CAPN14: variants seen among roughly 807,000 people sequenced by gnomAD.
CAPN14 encodes calpain 14, also known as calpain-14.
A neutral mutation model predicts 101.3 loss-of-function variants in CAPN14; 94 were observed. That is an observed-to-expected ratio of 0.93 (90% CI 0.79 to 1.10). CAPN14 has a LOEUF of 1.10. CAPN14 is among the 50% of genes least tolerant of loss of function. The pLI is 0.00. For missense variants in CAPN14, 837 were observed against 828.4 expected (o/e 1.01, Z -0.13); for synonymous variants, 338 against 317.9 (o/e 1.06, Z -0.67).
chr2:31,191,941 C>A lies in CAPN14; in HGVS notation c.1272G>T (p.Leu424=). 1 of 1,549,818 alleles carries A rather than the reference C, an allele frequency of 6.5e-7. No individual in the cohort carries two copies. Among genetic ancestry groups the A allele is most frequent in the Non-Finnish European group, 8.7e-7 (1 of 1,146,048 alleles). The change falls in exon 11 of 22, where the codon CTG becomes CTT. Residue 424 remains leucine, a synonymous_variant. Transcript: ENST00000403897. ...GGTTCAGAGGTCCACCTACCCTATACAGGTAGAAGCCAATGGCGAGGAGAG... is the reference window on the plus strand; with the variant it reads ...GGTTCAGAGGTCCACCTACCCTATAAAGGTAGAAGCCAATGGCGAGGAGAG... ...RKPLLAIGFY[L]YRMNKYHDDQ... is the part of the protein sequence containing the mutation.
At chr2:31,207,216 C>T in intron 1 of CAPN14, among the ~76,000 whole-genome samples, 1 of 152,158 alleles carries the variant, frequency 6.6e-6, no homozygotes, top group Non-Finnish European at 1.5e-5. Context: ...TGTCAAGGTC[C>T]TGCCCATCCC....
At chr2:31,176,717 T>C in intron 20 of CAPN14, 75 bp from the exon 21 acceptor site, 1 of 1,329,836 alleles carries the variant, frequency 7.5e-7, no homozygotes, top group South Asian at 1.3e-5. Flanking sequence ...CTCCCATATG[T>C]CTCACCTTAA....
Position 31,199,466 on chromosome 2 carries a change from C to T in CAPN14, c.789+4G>A. ...GGGAAACCGAAGGGCCAACCTCAAC[C>T]CACCTTCCTGATTCCTGTGAGAGTA... On this transcript the variant is annotated splice_donor_region_variant and intron_variant, in intron 7 of 21. Coordinates refer to ENST00000403897, the MANE Select transcript of CAPN14 (RefSeq NM_001145122.2). The T allele has an allele frequency of 2.6e-6, 4 of 1,551,358 alleles. No individual in the cohort carries two copies. The highest frequency in any genetic ancestry group is 1.4e-5 in the African/African-American group (1 of 73,148).
At chr2:31,178,698 C>T in intron 17 of CAPN14, 119 bp from the exon 18 acceptor site, 2 of 646,180 alleles carry the variant, frequency 3.1e-6, no homozygotes, top group Non-Finnish European at 5.2e-6. Flanking sequence ...AATGTCTGAT[C>T]ATGTCTGATT....
At chr2:31,227,719 T>C (rs1025131289) in intron 1 of CAPN14, among the ~76,000 whole-genome samples, 9 of 152,188 alleles carry the variant, frequency 5.9e-5, no homozygotes, top group Non-Finnish European at 1.3e-4. Context: ...ATCTCATCAG[T>C]AGGAATTGGC....
intron 7 of CAPN14, 62 bp from the exon 8 acceptor site, chr2:31,197,396 GTGAGACTCGGGCC>G: frequency 1.7e-6 from 2 of 1,155,000 alleles, no homozygotes; most frequent in Non-Finnish European, 2.5e-6. Context: ...AGAGATCTGA[GTGAGACTCGGGCC>G]TGGAGCTGAG....
chr2:31,222,238 A>G (rs1170659360), upstream of CAPN14, among the ~76,000 whole-genome samples: 4 of 152,210 alleles, frequency 2.6e-5, no homozygotes, highest in African/African-American at 7.2e-5. Context: ...ACTGAAAAGC[A>G]TGATATCTAG....
chr2:31,178,939 T>C (rs1369291802), intron 17 of CAPN14, among the ~76,000 whole-genome samples: 2 of 151,870 alleles, frequency 1.3e-5, no homozygotes, highest in South Asian at 4.2e-4. Context: ...CAGATGGTGA[T>C]ATAATTTTAA....
At chr2:31,211,220 A>C (rs1164652751) in intron 1 of CAPN14, among the ~76,000 whole-genome samples, 1 of 137,584 alleles carries the variant, frequency 7.3e-6, no homozygotes, top group African/African-American at 2.6e-5. Context: ...AAGAAAAAGA[A>C]AGAGAGAAAG....
chr2:31,181,625 A>C, intron 16 of CAPN14, among the ~76,000 whole-genome samples: 1 of 142,536 alleles, frequency 7.0e-6, no homozygotes, highest in African/African-American at 2.6e-5. Flanking sequence ...GCACCCATTA[A>C]CTCGTCATTT....
At chr2:31,228,567 GC>G (rs1421808116) in intron 1 of CAPN14, among the ~76,000 whole-genome samples, 1 of 151,974 alleles carries the variant, frequency 6.6e-6, no homozygotes, top group African/African-American at 2.4e-5. Context: ...CTTATTAGGT[GC>G]CAGCATATTA....
At position 31,202,119 on chromosome 2, in the gene CAPN14, C is replaced by T. The variant is rs989573807; in HGVS notation, c.414+15G>A. On this transcript the variant is annotated intron_variant, in intron 4 of 21. Transcript: ENST00000403897. ...TATGACTCCCTCTGGGCTGAGGACC[C>T]GGGAAGACACTCACCCAGAACCGGA... 11 of 1,550,386 alleles carry T rather than the reference C, an allele frequency of 7.1e-6. No homozygotes were observed. Among genetic ancestry groups the T allele is most frequent in the African/African-American group, 4.1e-5 (3 of 73,006 alleles).
intron 2 of CAPN14, among the ~76,000 whole-genome samples, chr2:31,225,208 T>G (rs949745247): frequency 6.6e-6 from 1 of 152,050 alleles, no homozygotes; most frequent in Non-Finnish European, 1.5e-5. Flanking sequence ...TTCAAAACTT[T>G]TTCATAATAA....
intron 1 of CAPN14, among the ~76,000 whole-genome samples, chr2:31,213,460 C>T (rs924337989): frequency 2.6e-5 from 4 of 152,238 alleles, no homozygotes; most frequent in African/African-American, 9.7e-5. Flanking sequence ...TTAGGGGCCA[C>T]AAGCCTAAAA....
In CAPN14 at chr2:31,173,685, G is replaced by A. The variant is rs1290614728; in HGVS notation, c.*996C>T. 6.6e-6 allele frequency: 1 copy of A among 152,174 alleles called. No homozygotes were observed. The highest frequency in any genetic ancestry group is 1.5e-5 in the Non-Finnish European group (1 of 68,038). The allele number at this position is 152,174 out of a possible 1,614,324, so 9.4% of individuals were successfully genotyped here. Reference sequence around the variant, plus strand: ...GAGTATTTCAGATTTGGGGTTTTCAGATTTGGGATGCTCAACCTGTAGTAA... The same window carrying A: ...GAGTATTTCAGATTTGGGGTTTTCAAATTTGGGATGCTCAACCTGTAGTAA... On this transcript the variant is annotated 3_prime_UTR_variant, in exon 22 of 22. Coordinates refer to ENST00000403897, the MANE Select transcript of CAPN14 (RefSeq NM_001145122.2).
chr2:31,233,127 T>C (rs916083173), intron 1 of CAPN14, among the ~76,000 whole-genome samples: 11 of 152,198 alleles, frequency 7.2e-5, no homozygotes, highest in African/African-American at 2.7e-4. Context: ...TAAAGCAATG[T>C]TCACTGAGAA....
intron 18 of CAPN14, 47 bp downstream of exon 18, chr2:31,178,464 A>G (rs1400109050): frequency 1.4e-6 from 2 of 1,431,424 alleles, no homozygotes; most frequent in African/African-American, 1.4e-5. Context: ...CAGAACTGCC[A>G]TTCCTACACC....
intron 1 of CAPN14, among the ~76,000 whole-genome samples, chr2:31,211,821 C>CT (rs1448377797): frequency 6.6e-6 from 1 of 151,824 alleles, no homozygotes; most frequent in African/African-American, 2.4e-5. Context: ...GTATGTATTA[C>CT]TTTTATCATG....
chr2:31,210,867 C>T (rs1456624636), intron 1 of CAPN14, among the ~76,000 whole-genome samples: 1 of 152,154 alleles, frequency 6.6e-6, no homozygotes, highest in African/African-American at 2.4e-5. Context: ...CATGCCAAAT[C>T]ATAGGTCAAC....
Sources: gnomAD v4.1 joint callset for allele counts (sites outside exome capture counted in the v4.1 genomes callset) on GRCh38, gnomAD v4.1.1 for gene constraint, MANE v1.5 for transcripts, NCBI Gene and HGNC (gene_info 2026-07-23, HGNC 2026-07-21) for gene names.